The following AKT3 variants were observed in gnomAD, a reference collection of about 807,000 sequenced individuals.
The protein encoded by AKT3 is AKT serine/threonine kinase 3.
In AKT3, 15 loss-of-function variants were observed where a neutral mutation model predicts 65.3. That is an observed-to-expected ratio of 0.23 (90% CI 0.15 to 0.35). The LOEUF is 0.35. Among genes scored for constraint, AKT3 ranks in the 10% least tolerant of loss-of-function variants. AKT3 has a pLI of 1.00. For synonymous variants in AKT3, 206 were observed against 183.8 expected, an observed-to-expected ratio of 1.12 and a Z score of -0.98; for missense variants, 243 against 576.5, an observed-to-expected ratio of 0.42 and a Z score of 5.92.
intron 6 of AKT3, among the ~76,000 whole-genome samples, chr1:243,628,617 C>T (rs1407587248): frequency 1.3e-5 from 2 of 152,130 alleles, no homozygotes; most frequent in Non-Finnish European, 2.9e-5. Flanking sequence ...CTCTTTTCTT[C>T]CAGATCAACT....
At chr1:243,715,511 C>A (rs1040679995) in intron 2 of AKT3, among the ~76,000 whole-genome samples, 11 of 152,048 alleles carry the variant, frequency 7.2e-5, no homozygotes, top group African/African-American at 2.7e-4. Context: ...CAACAGAAGT[C>A]TGATTCTGCA....
At chr1:243,730,972 G>A (rs1232591808) in intron 2 of AKT3, among the ~76,000 whole-genome samples, 3 of 152,162 alleles carry the variant, frequency 2.0e-5, no homozygotes, top group Admixed American at 2.0e-4. Flanking sequence ...CTCTGAGCCT[G>A]GTTTGCCCTC....
chr1:243,700,504 C>CTTTTTTTTTTTTTTTTT (rs1189965883), intron 2 of AKT3, among the ~76,000 whole-genome samples: 1 of 120,158 alleles, frequency 8.3e-6, no homozygotes, highest in African/African-American at 2.7e-5. Flanking sequence ...CAGGCTTAGT[C>CTTTTTTTTTTTTTTTTT]TATTTTTTTT....
At chr1:243,530,588 C>G (rs1224050157) in intron 12 of AKT3, among the ~76,000 whole-genome samples, 1 of 152,134 alleles carries the variant, frequency 6.6e-6, no homozygotes, top group Non-Finnish European at 1.5e-5. Flanking sequence ...CTCAAATTAA[C>G]AATGTAACAT....
At chr1:243,620,552 T>C (rs1221767977) in intron 6 of AKT3, among the ~76,000 whole-genome samples, 14 of 152,032 alleles carry the variant, frequency 9.2e-5, no homozygotes, top group Non-Finnish European at 1.8e-4. Flanking sequence ...AGGAGACATG[T>C]CACACTTATC....
rs1572208941 is a variant in AKT3 at position 243,709,918 on chromosome 1, G to T, written c.47-14202C>A. ...AAACTTCACGATTTATGCTTTTCCT[G>T]CCTTTGTATCTTAATCATCTTCTGT... On this transcript the variant is annotated intron_variant, in intron 2 of 13. Coordinates refer to ENST00000673466, the MANE Select transcript of AKT3 (RefSeq NM_005465.7). Among the ~76,000 whole-genome samples the T allele has an allele frequency of 2.0e-5, 3 of 152,110 alleles. No individual in the cohort carries two copies. The South Asian group carries it at 6.2e-4, about 32-fold the overall frequency.
intron 3 of AKT3, 49 bp downstream of exon 3, chr1:243,695,542 C>T: frequency 6.7e-7 from 1 of 1,501,160 alleles, no homozygotes; most frequent in Non-Finnish European, 9.0e-7. Context: ...CACATAAAAT[C>T]ATAAAAATAA....
At chr1:243,550,958 CAAAAAAAAA>C (rs60047036) in intron 11 of AKT3, among the ~76,000 whole-genome samples, 224 of 17,526 alleles carry the variant, frequency 0.013, 1 homozygote, top group African/African-American at 0.028. Context: ...GACTCCCTCT[CAAAAAAAAA>C]AAAAAAAAAA....
chr1:243,781,996 T>C (rs1387044305), intron 2 of AKT3, among the ~76,000 whole-genome samples: 1 of 152,162 alleles, frequency 6.6e-6, no homozygotes, highest in Non-Finnish European at 1.5e-5. Context: ...CTAACTTTTG[T>C]ATTTTTTGTA....
intron 12 of AKT3, among the ~76,000 whole-genome samples, chr1:243,514,479 C>T (rs942812318): frequency 6.6e-6 from 1 of 152,184 alleles, no homozygotes; most frequent in African/African-American, 2.4e-5. Flanking sequence ...TCTATCTTCA[C>T]ATTGCTTTTT....
intron 2 of AKT3, chr1:243,735,072 G>A (rs548054533): frequency 6.6e-6 from 1 of 152,124 alleles, no homozygotes; most frequent in Admixed American, 6.5e-5. Flanking sequence ...GCCTTCTTCT[G>A]TAACACCTCC....
intron 2 of AKT3, among the ~76,000 whole-genome samples, chr1:243,748,767 GATA>G (rs1376084085): frequency 6.6e-6 from 1 of 152,068 alleles, no homozygotes; most frequent in Non-Finnish European, 1.5e-5. Context: ...AAGATTTCTG[GATA>G]ATAATTGATC....
intron 2 of AKT3, among the ~76,000 whole-genome samples, chr1:243,707,316 A>G (rs59080364): frequency 0.01 from 1,548 of 152,274 alleles, 21 homozygotes; most frequent in African/African-American, 0.036. Flanking sequence ...TTTTTTGTGG[A>G]TAAAATTTCT....
At chr1:243,616,176 A>G (rs960027118) in intron 6 of AKT3, among the ~76,000 whole-genome samples, 5 of 151,804 alleles carry the variant, frequency 3.3e-5, no homozygotes, top group African/African-American at 1.2e-4. Flanking sequence ...TGCTGTACCC[A>G]ATGTGTAGTC....
rs1352368862 is a variant in AKT3, at chr1:243,503,568, C to T, written c.*1681G>A. On this transcript the variant is annotated 3_prime_UTR_variant, in exon 14 of 14. Transcript: ENST00000673466. ...CTTCACAGGCTGCTTTGGAAATTGTCAGCTCCTAGCACCAAAGGGTTTAAT... is the reference window on the plus strand; with the variant it reads ...CTTCACAGGCTGCTTTGGAAATTGTTAGCTCCTAGCACCAAAGGGTTTAAT... 1 of 233,198 alleles carries T rather than the reference C, an allele frequency of 4.3e-6. No homozygotes were observed. Among genetic ancestry groups the T allele is most frequent in the Non-Finnish European group, 8.5e-6 (1 of 117,820 alleles). 14.4% of individuals were successfully genotyped at this position (233,198 alleles called of 1,614,324 possible). A position where few individuals can be genotyped will look rare whatever the true frequency, so the allele number is the denominator to read the frequency against.
At chr1:243,573,429 A>G (rs776214750) in intron 8 of AKT3, among the ~76,000 whole-genome samples, 7 of 152,186 alleles carry the variant, frequency 4.6e-5, no homozygotes, top group Non-Finnish European at 8.8e-5. Flanking sequence ...GCACAGATAT[A>G]TTTTCACTTA....
At chr1:243,529,617 T>C (rs961446883) in intron 12 of AKT3, among the ~76,000 whole-genome samples, 3 of 152,186 alleles carry the variant, frequency 2.0e-5, no homozygotes, top group Non-Finnish European at 4.4e-5. Context: ...TGTGTGACAT[T>C]TCTGGGCTAT....
intron 3 of AKT3, among the ~76,000 whole-genome samples, chr1:243,694,272 C>G (rs1331398146): frequency 6.6e-6 from 1 of 152,144 alleles, no homozygotes. Flanking sequence ...AAGCTAATTT[C>G]TATCACTTTA....
intron 3 of AKT3, among the ~76,000 whole-genome samples, chr1:243,694,518 A>G (rs1684931699): frequency 6.6e-6 from 1 of 151,922 alleles, no homozygotes. Context: ...ACTAATATAA[A>G]CAGAGAAAGC....
Sources: gnomAD v4.1 joint callset for allele counts (sites outside exome capture counted in the v4.1 genomes callset) on GRCh38, gnomAD v4.1.1 for gene constraint, MANE v1.5 for transcripts, NCBI Gene and HGNC (gene_info 2026-07-23, HGNC 2026-07-21) for gene names.